The following OTOF variants were observed in gnomAD, a reference collection of about 807,000 sequenced individuals.
OTOF encodes otoferlin.
OTOF carries 218 observed loss-of-function variants against 236.8 expected under a neutral mutation model. The ratio of observed to expected loss-of-function variants is 0.92; its 90% CI spans 0.82 to 1.03. OTOF has a LOEUF of 1.03. Ranked by LOEUF, OTOF falls within the 50% of genes least tolerant of loss-of-function variation. The pLI is 0.00. For missense variants in OTOF, 2,590 were observed against 2,694.4 expected (o/e 0.96, Z 0.86); for synonymous variants, 1,041 against 1,072.5 (o/e 0.97, Z 0.57).
Position 26,458,143 on chromosome 2 carries a change from C to T in OTOF, c.*95G>A, listed in dbSNP as rs1336758137. 6.2e-7 allele frequency: 1 copy of T among 1,614,092 alleles called. No homozygotes were observed. The highest frequency in any genetic ancestry group is 1.1e-5 in the South Asian group (1 of 91,084). ...CGCCAGCACGATCTTGATGATGAGCCACTTGTACCGGGTGCAGATGAGGTA... is the reference window on the plus strand; with the variant it reads ...CGCCAGCACGATCTTGATGATGAGCTACTTGTACCGGGTGCAGATGAGGTA... On this transcript the variant is annotated 3_prime_UTR_variant, in exon 47 of 47. Coordinates refer to ENST00000272371, the MANE Select transcript of OTOF (RefSeq NM_194248.3).
At chr2:26,557,086 C>A (rs1667610383) in intron 1 of OTOF, among the ~76,000 whole-genome samples, 1 of 152,354 alleles carries the variant, frequency 6.6e-6, no homozygotes, top group Admixed American at 6.5e-5. Context: ...CCACTGCCAT[C>A]ACCTCCACCC....
At position 26,473,964 on chromosome 2, in the gene OTOF, G is replaced by A. The variant is rs771356850; in HGVS notation, c.3408+27C>T. The A allele has an allele frequency of 6.2e-7, 1 of 1,612,674 alleles. No homozygotes were observed. Among genetic ancestry groups the A allele is most frequent in the Non-Finnish European group, 8.5e-7 (1 of 1,179,806 alleles). The stretch of plus-strand genomic sequence containing the variant: ...GGGTCCTCAGACTCCTCATCCAAAA[G>A]GGAAGGGCCACACAGAGCCCTCGCA... On this transcript the variant is annotated intron_variant, in intron 27 of 46. Transcript: ENST00000272371. This position sits in a 1 kb window ranked among gnomAD's most constrained non-coding sequence, Gnocchi z 7.2.
intron 3 of OTOF, among the ~76,000 whole-genome samples, chr2:26,525,316 G>A (rs1666773861): frequency 6.6e-6 from 1 of 152,184 alleles, no homozygotes; most frequent in African/African-American, 2.4e-5. Context: ...AGCCCATATG[G>A]TGGGGCCTTT....
chr2:26,558,530 C>T lies in OTOF; in HGVS notation c.42G>A (p.Arg14=), dbSNP rs6734111. 5.9e-4 allele frequency: 945 copies of T among 1,614,044 alleles called. 4 individuals carry two copies. In the African/African-American group the frequency reaches 0.012, roughly 20 times the overall value. Residue 14 remains arginine, a synonymous_variant, in exon 1 of 47, where the codon CGG becomes CGA. Transcript: ENST00000272371. ...LIHLKTVSEL[R]GRGDRIAKVT... is the part of the protein sequence containing the mutation. ...CTTTGGCGATCCGGTCGCCCCTGCC[C>T]CGCAGCTCCGAGACTGTCTTGAGGT...
At chr2:26,459,200 C>T (rs1012268829) in intron 46 of OTOF, among the ~76,000 whole-genome samples, 24 of 152,170 alleles carry the variant, frequency 1.6e-4, no homozygotes, top group African/African-American at 5.8e-4. Context: ...GTTGGCTAAC[C>T]CTGGCCACAC....
chr2:26,464,489 G>T (rs1664633104), intron 39 of OTOF, among the ~76,000 whole-genome samples: 1 of 152,170 alleles, frequency 6.6e-6, no homozygotes, highest in African/African-American at 2.4e-5. Flanking sequence ...GAAGTAAGGA[G>T]AGTTTAAGGA....
Position 26,462,092 on chromosome 2 carries a change from A to G in OTOF, c.5282T>C (p.Phe1761Ser). ...FFTGEKSSDI[F>S]VRGWLKGQQE... ...GGGACTGCTCACCCACCCCCTCACGAAGATGTCACTGGACTTCTCCCCTGT... is the reference window on the plus strand; with the variant it reads ...GGGACTGCTCACCCACCCCCTCACGGAGATGTCACTGGACTTCTCCCCTGT... The change falls in exon 42 of 47, where the codon TTC becomes TCC. Residue 1761 changes from phenylalanine to serine, a missense_variant. Physicochemically the swap from Phe to Ser is radical, Grantham distance 155. This residue lies in a region of OTOF where 1,211 missense variants were observed against 1,352.8 expected (regional missense o/e 0.90). Coordinates refer to ENST00000272371, the MANE Select transcript of OTOF (RefSeq NM_194248.3). This position sits in a 1 kb window ranked among gnomAD's most constrained non-coding sequence, Gnocchi z 4.7. The G allele has an allele frequency of 6.2e-6, 10 of 1,607,768 alleles. No homozygotes were observed. Among genetic ancestry groups the G allele is most frequent in the Non-Finnish European group, 5.9e-6 (7 of 1,176,570 alleles).
At chr2:26,486,736 T>C (rs1376088107) in intron 11 of OTOF, among the ~76,000 whole-genome samples, 2 of 152,148 alleles carry the variant, frequency 1.3e-5, no homozygotes, top group African/African-American at 4.8e-5. Flanking sequence ...CAATCAGAGA[T>C]GGTGCTGTGG....
At position 26,502,432 on chromosome 2, in the gene OTOF, G is replaced by A. The variant is rs776537229; in HGVS notation, c.584-6C>T. ...CTCCAGCACCGCCGGTTCATCTGGG[G>A]AAGATGAAAGACTGGTTAGGTGGGC... is the stretch of plus-strand genomic sequence containing the variant. On this transcript the variant is annotated splice_polypyrimidine_tract_variant and splice_region_variant and intron_variant, in intron 6 of 46. Transcript: ENST00000272371. 1.2e-6 allele frequency: 2 copies of A among 1,611,922 alleles called. No individual in the cohort carries two copies. Among genetic ancestry groups the A allele is most frequent in the South Asian group, 1.1e-5 (1 of 90,706 alleles).
In OTOF at chr2:26,472,388, C is replaced by A. The variant is rs562296538; in HGVS notation, c.3864+131G>T. ...TGTTTGGACACACAATCAAGCTCAG[C>A]CCCCGACAGTCACATGCCAAAGGAG... is the stretch of plus-strand genomic sequence containing the variant. On this transcript the variant is annotated intron_variant, in intron 30 of 46. Transcript: ENST00000272371. 19 of 1,153,798 alleles carry A rather than the reference C, an allele frequency of 1.6e-5. No homozygotes were observed. The South Asian group carries it at 2.0e-4, about 12-fold the overall frequency. The allele number at this position is 1,153,798 out of a possible 1,614,324, so 71.5% of individuals were successfully genotyped here. A position where few individuals can be genotyped will look rare whatever the true frequency, so the allele number is the denominator to read the frequency against.
rs552234241 is a variant in OTOF, at chr2:26,483,899, G to A, written c.1206-251C>T. ...ATACCCACCTCCCAAGAACATGATC[G>A]GCTCAAGCACGCTAAAACATATGAG... On this transcript the variant is annotated intron_variant, in intron 12 of 46. Transcript: ENST00000272371. Among the ~76,000 whole-genome samples the A allele has an allele frequency of 6.6e-4, 100 of 152,304 alleles. 1 individual carries two copies. In the South Asian group the frequency reaches 0.013, roughly 21 times the overall value.
intron 3 of OTOF, among the ~76,000 whole-genome samples, chr2:26,521,016 C>A (rs1666663758): frequency 6.6e-6 from 1 of 152,140 alleles, no homozygotes. Context: ...ATAAATACTC[C>A]CGCCATGGCC....
At position 26,484,592 on chromosome 2, in the gene OTOF, CG is replaced by C. The variant is rs901258755; in HGVS notation, c.1086del (p.Asp363MetfsTer7). On this transcript the variant is annotated frameshift_variant, in exon 12 of 47. Transcript: ENST00000272371. LOFTEE classifies it high-confidence loss of function. ...FHHKWAILSD[P>X]DDISSGLKGY... ...CCCTTCAGCCCCGAGGAGATGTCAT[CG>C]GGGTCAGACAGGATGGCCCACTTGT... is the stretch of plus-strand genomic sequence containing the variant. 6.2e-7 allele frequency: 1 copy of C among 1,613,784 alleles called. No individual in the cohort carries two copies. Among genetic ancestry groups the C allele is most frequent in the African/African-American group, 1.3e-5 (1 of 74,926 alleles).
At chr2:26,542,225 T>TAAG (rs1667226433) in intron 1 of OTOF, among the ~76,000 whole-genome samples, 1 of 152,166 alleles carries the variant, frequency 6.6e-6, no homozygotes, top group African/African-American at 2.4e-5. Flanking sequence ...GGGCCACACC[T>TAAG]CTGAGAAAAG....
intron 30 of OTOF, chr2:26,472,232 G>A (rs548796830): frequency 1.2e-4 from 54 of 463,622 alleles, no homozygotes; most frequent in Middle Eastern, 6.4e-4. Context: ...ACGCATGCAC[G>A]CACAAATGCA....
intron 6 of OTOF, 118 bp from the exon 7 acceptor site, chr2:26,502,544 A>G: frequency 1.9e-6 from 2 of 1,036,202 alleles, no homozygotes; most frequent in Admixed American, 4.0e-5. Context: ...CTTAGTTGCT[A>G]CCGCTTAGAA....
intron 4 of OTOF, among the ~76,000 whole-genome samples, chr2:26,518,577 A>C (rs1443415798): frequency 1.3e-5 from 2 of 152,268 alleles, no homozygotes; most frequent in African/African-American, 4.8e-5. Context: ...GTGCTCACGC[A>C]AAAGTGCTGG....
At chr2:26,542,704 C>T (rs1259377135) in intron 1 of OTOF, among the ~76,000 whole-genome samples, 1 of 152,176 alleles carries the variant, frequency 6.6e-6, no homozygotes, top group Non-Finnish European at 1.5e-5. Context: ...GGACACAGGA[C>T]AGGGGAGTCC....
rs1294524244 is a variant in OTOF at position 26,461,016 on chromosome 2, C to T, written c.5548G>A (p.Asp1850Asn). ...ADDFLGAIEL[D>N]LNRFPRGAKT... The stretch of plus-strand genomic sequence containing the variant: ...GCGCCCCGCGGGAACCGGTTCAGGT[C>T]CAGCTCGATGGCCCCTGTGGCAACC... The change falls in exon 44 of 47, where the codon GAC (aspartate) becomes AAC (asparagine). Residue 1850 changes from aspartate (D) to asparagine (N), a missense_variant. By Grantham distance (23) the Asp-to-Asn change is conservative. This residue lies in a region of OTOF where 1,211 missense variants were observed against 1,352.8 expected (regional missense o/e 0.90). Transcript: ENST00000272371. This position sits in a 1 kb window ranked among gnomAD's most constrained non-coding sequence, Gnocchi z 6.2. 6.2e-7 allele frequency: 1 copy of T among 1,612,436 alleles called. No homozygotes were observed. The highest frequency in any genetic ancestry group is 8.5e-7 in the Non-Finnish European group (1 of 1,179,880).
Sources: gnomAD v4.1 joint callset for allele counts (sites outside exome capture counted in the v4.1 genomes callset) on GRCh38, gnomAD v4.1.1 for gene constraint, gnomAD v4.1.1 regional missense constraint, Gnocchi (gnomAD v3.1) non-coding constraint, MANE v1.5 for transcripts, NCBI Gene and HGNC (gene_info 2026-07-23, HGNC 2026-07-21) for gene names.